CDH12: variants seen among roughly 807,000 people sequenced by gnomAD.
CDH12 encodes the protein cadherin 12, also known as cadherin-12.
Under a neutral mutation model 74.1 loss-of-function variants are expected in CDH12, and 41 were observed. The observed-to-expected ratio is 0.55, with a 90% CI of 0.43 to 0.72. The LOEUF is 0.72. CDH12 is among the 30% of genes least tolerant of loss of function. The probability of loss-of-function intolerance (pLI) is 0.00; values close to 1 mark genes in which losing one functional copy is unlikely to be tolerated. For missense variants in CDH12, 945 were observed against 977.2 expected (o/e 0.97, Z 0.44); for synonymous variants, 399 against 355.0 (o/e 1.12, Z -1.39).
At position 22,073,407 on chromosome 5, in the gene CDH12, C is replaced by T. The variant is rs1398498821; in HGVS notation, c.231+5039G>A. Among the ~76,000 whole-genome samples the T allele has an allele frequency of 2.6e-5, 4 of 152,124 alleles. 1 individual carries two copies. The highest frequency in any genetic ancestry group is 4.1e-4 in the South Asian group (2 of 4,836). Reference sequence around the variant, plus strand: ...GAAAAAACTTAGTACCACACAGATACAGGCTTGCAATTATCCATGTTGGTA... The same window carrying T: ...GAAAAAACTTAGTACCACACAGATATAGGCTTGCAATTATCCATGTTGGTA... On this transcript the variant is annotated intron_variant, in intron 5 of 14. Coordinates refer to ENST00000382254, the MANE Select transcript of CDH12 (RefSeq NM_004061.5).
intron 6 of CDH12, among the ~76,000 whole-genome samples, chr5:21,874,458 C>G (rs1171390540): frequency 6.6e-6 from 1 of 152,064 alleles, no homozygotes. Flanking sequence ...CACTAAAATG[C>G]GAATTAGGCA....
At chr5:22,497,860 C>T (rs528908772) in intron 2 of CDH12, among the ~76,000 whole-genome samples, 1 of 151,852 alleles carries the variant, frequency 6.6e-6, no homozygotes, top group Admixed American at 6.6e-5. Flanking sequence ...CTGGGCTGGT[C>T]TCAAACTCCT....
At chr5:22,464,490 T>A (rs947771161) in intron 2 of CDH12, among the ~76,000 whole-genome samples, 3 of 152,150 alleles carry the variant, frequency 2.0e-5, no homozygotes, top group African/African-American at 7.2e-5. Flanking sequence ...ATGAAATTCG[T>A]TTTGACAAGA....
At chr5:22,465,600 C>A (rs1237323434) in intron 2 of CDH12, among the ~76,000 whole-genome samples, 1 of 152,196 alleles carries the variant, frequency 6.6e-6, no homozygotes, top group African/African-American at 2.4e-5. Context: ...GAGCCACGAT[C>A]ATGCCACCAC....
chr5:22,312,114 C>T (rs1234854908), intron 3 of CDH12, among the ~76,000 whole-genome samples: 1 of 151,710 alleles, frequency 6.6e-6, no homozygotes, highest in Admixed American at 6.6e-5. Flanking sequence ...GATATACAAA[C>T]CCTGACCAAA....
At chr5:22,718,428 G>C (rs776020606) in intron 1 of CDH12, among the ~76,000 whole-genome samples, 30 of 152,156 alleles carry the variant, frequency 2.0e-4, no homozygotes, top group Non-Finnish European at 3.1e-4. Context: ...CATGATCGTT[G>C]TTTCCATGTC....
At chr5:22,301,726 G>A (rs1469481452) in intron 3 of CDH12, among the ~76,000 whole-genome samples, 5 of 150,464 alleles carry the variant, frequency 3.3e-5, no homozygotes, top group Non-Finnish European at 4.5e-5. Flanking sequence ...CCATCCCACG[G>A]GTTCAAGAGA....
chr5:22,174,386 C>A (rs1425376477), intron 4 of CDH12, among the ~76,000 whole-genome samples: 3 of 151,882 alleles, frequency 2.0e-5, no homozygotes, highest in Non-Finnish European at 2.9e-5. Flanking sequence ...ATGACTATGT[C>A]CCTAATAGTT....
At chr5:22,029,619 G>C (rs2150171180) in intron 5 of CDH12, among the ~76,000 whole-genome samples, 1 of 152,324 alleles carries the variant, frequency 6.6e-6, no homozygotes, top group East Asian at 1.9e-4. Flanking sequence ...AACAACAGGT[G>C]ATAGAGATGA....
chr5:22,663,607 C>T (rs1740457136), intron 1 of CDH12, among the ~76,000 whole-genome samples: 1 of 152,074 alleles, frequency 6.6e-6, no homozygotes, highest in Non-Finnish European at 1.5e-5. Flanking sequence ...ACTTCAGTGC[C>T]TCATGTGAGC....
chr5:22,040,238 T>C (rs763559098), intron 5 of CDH12, among the ~76,000 whole-genome samples: 2 of 151,882 alleles, frequency 1.3e-5, no homozygotes, highest in Non-Finnish European at 2.9e-5. Flanking sequence ...TGAACTTAAA[T>C]ATAGGTCATT....
chr5:22,457,706 G>A (rs1745338004), intron 2 of CDH12, among the ~76,000 whole-genome samples: 1 of 150,754 alleles, frequency 6.6e-6, no homozygotes, highest in Non-Finnish European at 1.5e-5. Context: ...AGCCTCCTGG[G>A]TAGCTTGGAT....
intron 1 of CDH12, among the ~76,000 whole-genome samples, chr5:22,592,861 C>A (rs1427278315): frequency 6.6e-6 from 1 of 151,644 alleles, no homozygotes; most frequent in African/African-American, 2.4e-5. Context: ...GAAACCCTGT[C>A]TCTACTAAAA....
intron 4 of CDH12, among the ~76,000 whole-genome samples, chr5:22,204,083 T>A (rs1039695614): frequency 1.3e-5 from 2 of 152,122 alleles, no homozygotes; most frequent in African/African-American, 4.8e-5. Flanking sequence ...AAGGGGTTAA[T>A]ATCCAGAATC....
intron 3 of CDH12, among the ~76,000 whole-genome samples, chr5:22,262,575 T>C (rs1349563911): frequency 6.6e-6 from 1 of 151,232 alleles, no homozygotes; most frequent in African/African-American, 2.4e-5. Context: ...GCAATAAACA[T>C]ACGTGTGCAT....
intron 3 of CDH12, among the ~76,000 whole-genome samples, chr5:22,321,101 A>C (rs1036373670): frequency 2.6e-5 from 4 of 152,190 alleles, no homozygotes; most frequent in Non-Finnish European, 2.9e-5. Context: ...GGGTTGCACA[A>C]CTGATAGGGG....
chr5:22,425,156 T>TATATATATAAAA lies in CDH12; in HGVS notation c.-427-19806_-427-19805insTTTTATATATAT, dbSNP rs1554039876. On this transcript the variant is annotated intron_variant, in intron 2 of 14. Transcript: ENST00000382254. ...AAAATTATATATATGTGTGTGTGTATATATATATATATATAAATATATATA... is the reference window on the plus strand; with the variant it reads ...AAAATTATATATATGTGTGTGTGTATATATATATAAAAATATATATATATATAAATATATATA... Among the ~76,000 whole-genome samples the TATATATATAAAA allele has an allele frequency of 2.7e-4, 34 of 126,262 alleles. 1 individual carries two copies. The highest frequency in any genetic ancestry group is 5.1e-4 in the South Asian group (2 of 3,944). The allele number at this position is 126,262 out of a possible 152,430, so 82.8% of individuals were successfully genotyped here.
chr5:22,800,772 T>A (rs1417662447), intron 1 of CDH12, among the ~76,000 whole-genome samples: 1 of 152,162 alleles, frequency 6.6e-6, no homozygotes, highest in African/African-American at 2.4e-5. Flanking sequence ...TTCTCCAGAA[T>A]GTTATATATT....
intron 3 of CDH12, among the ~76,000 whole-genome samples, chr5:22,240,920 A>T (rs934195758): frequency 6.6e-6 from 1 of 152,146 alleles, no homozygotes; most frequent in Admixed American, 6.6e-5. Context: ...AAAGCAGAAG[A>T]CAGAGGAGAA....
Sources: allele counts gnomAD v4.1 joint callset (sites outside exome capture counted in the v4.1 genomes callset), GRCh38; gene constraint gnomAD v4.1.1; transcripts MANE v1.5; gene names NCBI Gene and HGNC (gene_info 2026-07-23, HGNC 2026-07-21).